Variants in MUC3A observed in about 807,000 individuals in gnomAD.
MUC3A encodes the protein mucin-3A.
In MUC3A, 109 loss-of-function variants were observed where a neutral mutation model predicts 109.0. That is an observed-to-expected ratio of 1.00 (90% confidence interval 0.86 to 1.17). The LOEUF (loss-of-function observed/expected upper bound fraction) is 1.17. MUC3A is among the 50% of genes most tolerant of loss of function. MUC3A has a pLI of 0.00. For missense variants in MUC3A, 3,537 were observed against 2,469.4 expected (o/e 1.43, Z -9.16); for synonymous variants, 1,398 against 981.4 (o/e 1.42, Z -7.93).
Position 100,964,863 on chromosome 7 carries a change from AG to A in MUC3A, c.9382+24del. ...CCCAGAGTGAGCCCAGGCTGGAGGG[AG>A]GGGCCAGGGCCTGAGGTGTCACCCC... On this transcript the variant is annotated intron_variant, in intron 6 of 11. Coordinates refer to ENST00000379458, the MANE Select transcript of MUC3A (RefSeq NM_005960.2). The A allele has an allele frequency of 6.3e-7, 1 of 1,590,370 alleles. No individual in the cohort carries two copies. The highest frequency in any genetic ancestry group is 2.2e-5 in the East Asian group (1 of 44,668).
chr7:100,951,673 CA>C (rs1286871496), intron 1 of MUC3A, among the ~76,000 whole-genome samples, 167 bp from the exon 2 acceptor site: 146 of 152,050 alleles, frequency 9.6e-4, no homozygotes, highest in African/African-American at 3.5e-3. Flanking sequence ...TCTCCAGCAC[CA>C]CAAAGCACCC....
chr7:100,966,987 C>T (rs1482009935), intron 11 of MUC3A, 36 bp downstream of exon 11: 3 of 1,598,548 alleles, frequency 1.9e-6, no homozygotes, highest in South Asian at 1.1e-5. Context: ...AAGGAACTCT[C>T]CCAGCCTCCA....
chr7:100,964,636 C>A, intron 5 of MUC3A, 59 bp from the exon 6 acceptor site: 1 of 1,548,904 alleles, frequency 6.5e-7, no homozygotes, highest in Admixed American at 1.8e-5. Context: ...CTGGAGGTGC[C>A]CCTCCAAGGA....
rs1364195689 is a variant in MUC3A at position 100,963,254 on chromosome 7, C to A, written c.9156C>A (p.Thr3052=). 15 of 1,597,628 alleles carry A rather than the reference C, an allele frequency of 9.4e-6. No individual in the cohort carries two copies. The highest frequency in any genetic ancestry group is 8.5e-7 in the Non-Finnish European group (1 of 1,179,476). The change falls in exon 4 of 12, where the codon ACC becomes ACA. Residue 3052 remains threonine (T), a synonymous_variant. Coordinates refer to ENST00000379458, the MANE Select transcript of MUC3A (RefSeq NM_005960.2). ...AGGCCTACAGGGATTTCAACAAGAC[C>A]TTCTGGAATCAGGTAAAGGGCAAAG... The part of the protein sequence containing the change: ...TSQAYRDFNK[T]FWNQMQKIFA...
rs75008337 is a variant in MUC3A, at chr7:100,959,263, C to A, written c.7484C>A (p.Ser2495Ter). ...PTTSLRTLTP[S>*]SVGTSTSLTT... The stretch of plus-strand genomic sequence containing the variant: ...ACAAGCCTACGAACTCTCACCCCTT[C>A]GTCTGTGGGCACCAGCACTTCATTG... Residue 2495 changes from serine (S) to a stop codon, truncating the protein, a stop_gained, in exon 2 of 12, where the codon TCG becomes TAG. Transcript: ENST00000379458. LOFTEE classifies it high-confidence loss of function. 4.0e-6 allele frequency: 5 copies of A among 1,265,724 alleles called. No homozygotes were observed. Among genetic ancestry groups the A allele is most frequent in the Non-Finnish European group, 5.5e-6 (5 of 914,828 alleles). The allele number at this position is 1,265,724 out of a possible 1,614,324, so 78.4% of individuals were successfully genotyped here. A position where few individuals can be genotyped will look rare whatever the true frequency, so the allele number is the denominator to read the frequency against.
intron 8 of MUC3A, 146 bp downstream of exon 8, chr7:100,966,012 T>A: frequency 8.0e-7 from 1 of 1,250,368 alleles, no homozygotes; most frequent in Non-Finnish European, 1.0e-6. Flanking sequence ...CCATCCCCGT[T>A]GCCCTACAGT....
chr7:100,951,368 T>C (rs1179852740), intron 1 of MUC3A, among the ~76,000 whole-genome samples: 2 of 152,282 alleles, frequency 1.3e-5, no homozygotes, highest in Non-Finnish European at 2.9e-5. Flanking sequence ...GGTTCTCTCT[T>C]TTTCTCTTTG....
chr7:100,967,043 G>A, intron 11 of MUC3A, 78 bp from the exon 12 acceptor site: 2 of 1,598,470 alleles, frequency 1.3e-6, no homozygotes, highest in African/African-American at 1.3e-5. Context: ...GAGGGGGCTG[G>A]GCTCGGATCA....
At position 100,964,680 on chromosome 7, in the gene MUC3A, C is replaced by T; in HGVS notation, c.9234-15C>T. ...TTCCTGGCTGGGGCACTCTCTAAGG[C>T]TGTGGACCCCTCAGGAATGGCAGCA... is the stretch of plus-strand genomic sequence containing the variant. On this transcript the variant is annotated splice_polypyrimidine_tract_variant and intron_variant, in intron 5 of 11. Transcript: ENST00000379458. 1 of 1,596,902 alleles carries T rather than the reference C, an allele frequency of 6.3e-7. No individual in the cohort carries two copies. Among genetic ancestry groups the T allele is most frequent in the Non-Finnish European group, 8.5e-7 (1 of 1,178,738 alleles).
In MUC3A at chr7:100,960,346, C is replaced by G. The variant is rs1241436237; in HGVS notation, c.8567C>G (p.Pro2856Arg). ...ASSSTGTGTV[P>R]TNTVFTSTRL... ...AGTTCCACTGGCACTGGGACTGTACCCACAAACACAGTTTTCACAAGTACT... is the reference window on the plus strand; with the variant it reads ...AGTTCCACTGGCACTGGGACTGTACGCACAAACACAGTTTTCACAAGTACT... Residue 2856 changes from proline to arginine, a missense_variant, in exon 2 of 12, where the codon CCC becomes CGC. Pro to Arg is a moderately radical substitution (Grantham distance 103, BLOSUM62 -2). Transcript: ENST00000379458. 16 of 1,598,380 alleles carry G rather than the reference C, an allele frequency of 1.0e-5. No homozygotes were observed. The highest frequency in any genetic ancestry group is 1.3e-5 in the Non-Finnish European group (15 of 1,179,786).
chr7:100,964,425 A>G (rs1234102777), intron 5 of MUC3A: 4 of 494,368 alleles, frequency 8.1e-6, no homozygotes, highest in Admixed American at 7.5e-5. Context: ...ATACCACTGC[A>G]CTCCAGCCTG....
At chr7:100,965,228 A>T in intron 6 of MUC3A, 54 bp from the exon 7 acceptor site, 1 of 1,536,808 alleles carries the variant, frequency 6.5e-7, no homozygotes, top group East Asian at 2.3e-5. Context: ...TAACCCCTTG[A>T]CCTTAACCCC....
rs777828823 is a variant in MUC3A, at chr7:100,951,854, G to C, written c.75G>C (p.Thr25=). 6.3e-7 allele frequency: 1 copy of C among 1,596,296 alleles called. No individual in the cohort carries two copies. The highest frequency in any genetic ancestry group is 8.5e-7 in the Non-Finnish European group (1 of 1,177,618). The change falls in exon 2 of 12, where the codon ACG becomes ACC. Residue 25 remains threonine, a synonymous_variant. Coordinates refer to ENST00000379458, the MANE Select transcript of MUC3A (RefSeq NM_005960.2). Reference sequence around the variant, plus strand: ...CCGCCAATGCAGGAACTTTATCCACGGCCACATCCATCTCTCAAGTGCCTT... The same window carrying C: ...CCGCCAATGCAGGAACTTTATCCACCGCCACATCCATCTCTCAAGTGCCTT... ...ASPWATGTLS[T]ATSISQVPFP...
intron 7 of MUC3A, 136 bp downstream of exon 7, chr7:100,965,483 T>C: frequency 6.8e-7 from 1 of 1,468,072 alleles, no homozygotes; most frequent in Non-Finnish European, 9.2e-7. Flanking sequence ...CGGCCCTTCC[T>C]GGCGCTGGTT....
rs2116198813 is a variant in MUC3A at position 100,959,715 on chromosome 7, C to CT, written c.7936_7937insT (p.Pro2646LeufsTer12). 1 of 1,598,498 alleles carries CT rather than the reference C, an allele frequency of 6.3e-7. No homozygotes were observed. The highest frequency in any genetic ancestry group is 2.2e-5 in the East Asian group (1 of 44,890). ...CACCCTTCAAACAACTCCTTCTACT[C>CT]CCTCATTGCAAACTTCACTCACATC... On this transcript the variant is annotated frameshift_variant, in exon 2 of 12. Transcript: ENST00000379458. LOFTEE classifies it high-confidence loss of function.
intron 7 of MUC3A, 53 bp downstream of exon 7, chr7:100,965,400 C>G: frequency 6.4e-7 from 1 of 1,572,638 alleles, no homozygotes; most frequent in Non-Finnish European, 8.6e-7. Context: ...ATCCGGGCTA[C>G]CAGGGACATT....
chr7:100,965,825 C>T lies in MUC3A; in HGVS notation c.9570C>T (p.His3190=), dbSNP rs761709869. ...GGGTGGACAACGCCATCGACTGTCACCAGGGCCAGTGCGTTCTGGAGACGA... is the reference window on the plus strand; with the variant it reads ...GGGTGGACAACGCCATCGACTGTCATCAGGGCCAGTGCGTTCTGGAGACGA... ...TSGVDNAIDC[H]QGQCVLETSG... The change falls in exon 8 of 12, where the codon CAC becomes CAT. Residue 3190 remains histidine (H), a synonymous_variant. Coordinates refer to ENST00000379458, the MANE Select transcript of MUC3A (RefSeq NM_005960.2). The T allele has an allele frequency of 2.5e-6, 4 of 1,597,408 alleles. No individual in the cohort carries two copies. The highest frequency in any genetic ancestry group is 3.4e-6 in the Non-Finnish European group (4 of 1,179,040).
intron 1 of MUC3A, among the ~76,000 whole-genome samples, chr7:100,951,384 G>T (rs548543369): frequency 6.7e-6 from 1 of 149,622 alleles, no homozygotes; most frequent in East Asian, 2.7e-4. Context: ...CTTTGAAAGC[G>T]GAGTCAGCCC....
Position 100,960,834 on chromosome 7 carries a change from G to T in MUC3A, c.8949G>T (p.Gln2983His). The change falls in exon 3 of 12, where the codon CAG (glutamine) becomes CAT (histidine). Residue 2983 changes from glutamine to histidine, a missense_variant. Coordinates refer to ENST00000379458, the MANE Select transcript of MUC3A (RefSeq NM_005960.2). ...TTTCTGGGGACCGCTGTCAGCTCCA[G>T]ACCAGATGCCAGAATGGGGGTCAGT... ...PGFSGDRCQL[Q>H]TRCQNGGQWD... 2 of 1,598,532 alleles carry T rather than the reference G, an allele frequency of 1.3e-6. No homozygotes were observed. The highest frequency in any genetic ancestry group is 1.3e-5 in the African/African-American group (1 of 75,086).
Sources: gnomAD v4.1 joint callset for allele counts (sites outside exome capture counted in the v4.1 genomes callset) on GRCh38, gnomAD v4.1.1 for gene constraint, MANE v1.5 for transcripts, NCBI Gene and HGNC (gene_info 2026-07-23, HGNC 2026-07-21) for gene names.